The following CASK variants were observed in gnomAD, a reference collection of about 807,000 sequenced individuals.
The protein encoded by CASK is calcium/calmodulin dependent serine protein kinase, also known as peripheral plasma membrane protein CASK.
Under a neutral mutation model 82.9 loss-of-function variants are expected in CASK, and 4 were observed. The observed-to-expected ratio is 0.05, with a 90% CI of 0.02 to 0.11. CASK has a LOEUF of 0.11. Among genes scored for constraint, CASK ranks in the 10% least tolerant of loss-of-function variants. CASK has a pLI of 1.00. For synonymous variants in CASK, 259 were observed against 253.5 expected, an observed-to-expected ratio of 1.02 and a Z score of -0.20; for missense variants, 358 against 720.9, an observed-to-expected ratio of 0.50 and a Z score of 5.76.
chrX:41,582,355 TC>T (rs1319742541), intron 14 of CASK, among the ~76,000 whole-genome samples: 2 of 111,846 alleles, frequency 1.8e-5, no homozygotes, highest in Admixed American at 9.5e-5. Flanking sequence ...TCGCTCTGTC[TC>T]CCAGGCTGGA....
chrX:41,544,608 G>C (rs1225245862), intron 21 of CASK, among the ~76,000 whole-genome samples: 1 of 107,793 alleles, frequency 9.3e-6, no homozygotes, highest in Admixed American at 1.0e-4. Context: ...TCCTTAGCAG[G>C]GGATTTCCCA....
chrX:41,637,911 G>A (rs1421890182), intron 8 of CASK, among the ~76,000 whole-genome samples: 1 of 107,795 alleles, frequency 9.3e-6, no homozygotes, highest in East Asian at 2.9e-4. Context: ...CTCCCAAAGT[G>A]CTGGGATTAC....
chrX:41,572,878 C>A lies in CASK; in HGVS notation c.1504-3132G>T, dbSNP rs780727827. 4.5e-5 allele frequency among the ~76,000 whole-genome samples: 5 copies of A among 110,569 alleles called. No homozygotes were observed. The South Asian group carries it at 1.9e-3, about 42-fold the overall frequency. On this transcript the variant is annotated intron_variant, in intron 15 of 26. Transcript: ENST00000378163. ...TCTTATAGTGTGGGTCTGCTGAATT[C>A]TTTCAGTTTTGGTATGTCTGAAGAC...
At chrX:41,573,068 CTTT>C (rs1285323584) in intron 15 of CASK, among the ~76,000 whole-genome samples, 31 of 97,153 alleles carry the variant, frequency 3.2e-4, no homozygotes, top group Admixed American at 2.9e-3. Context: ...TGTAAAATTT[CTTT>C]TTTCTTTTTT....
chrX:41,822,117 T>C (rs2070556244), intron 2 of CASK, among the ~76,000 whole-genome samples: 1 of 112,714 alleles, frequency 8.9e-6, no homozygotes, highest in Non-Finnish European at 1.9e-5. Flanking sequence ...TAATCAAAAC[T>C]GGCTATTGTA....
At chrX:41,757,486 A>G (rs2068920008) in intron 3 of CASK, among the ~76,000 whole-genome samples, 1 of 112,019 alleles carries the variant, frequency 8.9e-6, no homozygotes, top group Non-Finnish European at 1.9e-5. Flanking sequence ...CTCTACGGTC[A>G]TTTAGACCTA....
At chrX:41,746,721 A>G (rs2068693591) in intron 3 of CASK, among the ~76,000 whole-genome samples, 1 of 111,925 alleles carries the variant, frequency 8.9e-6, no homozygotes, top group Non-Finnish European at 1.9e-5. Flanking sequence ...GAGGAAATAG[A>G]AACTTCTGGA....
At chrX:41,790,314 T>G in intron 2 of CASK, 5 of 368,847 alleles carry the variant, frequency 1.4e-5, no homozygotes, top group Non-Finnish European at 1.6e-5. Context: ...TGATCCACCC[T>G]CCTCGGCCTC....
chrX:41,627,199 T>C (rs1377390107), intron 9 of CASK, among the ~76,000 whole-genome samples: 2 of 111,954 alleles, frequency 1.8e-5, no homozygotes, highest in African/African-American at 3.2e-5. Flanking sequence ...TTCCCTCTTT[T>C]TGTTTTAACA....
chrX:41,832,179 T>C (rs1475426603), intron 2 of CASK, among the ~76,000 whole-genome samples: 3 of 111,068 alleles, frequency 2.7e-5, no homozygotes, highest in Non-Finnish European at 5.7e-5. Context: ...AAAGCTGGTA[T>C]AATAACAAAG....
At chrX:41,836,610 A>G (rs980080472) in intron 2 of CASK, among the ~76,000 whole-genome samples, 3 of 111,877 alleles carry the variant, frequency 2.7e-5, no homozygotes, top group Middle Eastern at 4.7e-3. Flanking sequence ...TTCATTTTAA[A>G]TATTAAATTT....
At chrX:41,766,706 G>A (rs2069121659) in intron 3 of CASK, among the ~76,000 whole-genome samples, 1 of 111,758 alleles carries the variant, frequency 8.9e-6, no homozygotes, top group Admixed American at 9.6e-5. Flanking sequence ...GGCCAAAATG[G>A]TGAAACGCTG....
At chrX:41,873,820 C>T (rs1346659151) in intron 1 of CASK, among the ~76,000 whole-genome samples, 44 of 91,834 alleles carry the variant, frequency 4.8e-4, no homozygotes, top group African/African-American at 1.7e-3. Context: ...GACAGAGTCT[C>T]GCTCTGTTGC....
chrX:41,530,890 T>C (rs1171375718), intron 25 of CASK, 117 bp downstream of exon 25: 20 of 667,886 alleles, frequency 3.0e-5, no homozygotes, highest in Non-Finnish European at 4.0e-5. Context: ...GATACTTTTC[T>C]GTGGTTTATG....
At chrX:41,655,543 TC>T (rs1165922353) in intron 8 of CASK, among the ~76,000 whole-genome samples, 1 of 111,615 alleles carries the variant, frequency 9.0e-6, no homozygotes, top group Non-Finnish European at 1.9e-5. Flanking sequence ...CCAGAATAGT[TC>T]CATAATAAAA....
intron 5 of CASK, chrX:41,727,427 A>G (rs2068281640): frequency 4.1e-6 from 5 of 1,210,353 alleles, no homozygotes; most frequent in Non-Finnish European, 5.6e-6. Context: ...ACTTCATGCT[A>G]TGAGAAAATA....
intron 5 of CASK, among the ~76,000 whole-genome samples, chrX:41,703,384 A>G (rs1236087156): frequency 7.1e-5 from 8 of 112,549 alleles, no homozygotes; most frequent in Non-Finnish European, 1.1e-4. Context: ...ACTCTGACGT[A>G]TATTTTTGTG....
intron 5 of CASK, chrX:41,695,545 T>C: frequency 1.7e-6 from 1 of 581,553 alleles, no homozygotes; most frequent in Non-Finnish European, 2.8e-6. Context: ...TGTTTGGCAT[T>C]CCGTTGTAGG....
chrX:41,597,526 C>G (rs771338842), intron 12 of CASK, among the ~76,000 whole-genome samples: 2 of 112,411 alleles, frequency 1.8e-5, no homozygotes, highest in South Asian at 7.3e-4. Flanking sequence ...GCAATAATGA[C>G]CATTGAAATA....
Sources: gnomAD v4.1 joint callset for allele counts (sites outside exome capture counted in the v4.1 genomes callset) on GRCh38, gnomAD v4.1.1 for gene constraint, MANE v1.5 for transcripts, NCBI Gene and HGNC (gene_info 2026-07-23, HGNC 2026-07-21) for gene names.